The following UBE2E1 variants were observed in gnomAD, a reference collection of about 807,000 sequenced individuals.
The protein encoded by UBE2E1 is ubiquitin conjugating enzyme E2 E1.
A neutral mutation model predicts 21.4 loss-of-function variants in UBE2E1; 6 were observed. The ratio of observed to expected loss-of-function variants is 0.28; its 90% CI spans 0.15 to 0.55. The LOEUF (loss-of-function observed/expected upper bound fraction) is 0.55, where lower values mean the gene tolerates loss of function less well. Among genes scored for constraint, UBE2E1 ranks in the 20% least tolerant of loss-of-function variants. The pLI, the probability that UBE2E1 is intolerant of heterozygous loss-of-function variation, is 0.93. For missense variants in UBE2E1, 142 were observed against 236.5 expected (o/e 0.60, Z 2.62); for synonymous variants, 87 against 82.7 (o/e 1.05, Z -0.28).
chr3:23,853,185 G>A lies in UBE2E1; in HGVS notation c.204-34382G>A, dbSNP rs192054075. 5.4e-4 allele frequency among the ~76,000 whole-genome samples: 82 copies of A among 152,296 alleles called. No homozygotes were observed. The highest frequency in any genetic ancestry group is 1.9e-3 in the African/African-American group (79 of 41,570). ...TGGGATTACAGGCGTGAGCCACCGC[G>A]CCCAGCTGCCTTATTTCTTTTTCTT... On this transcript the variant is annotated intron_variant, in intron 3 of 5. Coordinates refer to ENST00000306627, the MANE Select transcript of UBE2E1 (RefSeq NM_003341.5). The surrounding 1 kb of genome is among the most constrained non-coding windows in gnomAD (Gnocchi z 4.1).
intron 3 of UBE2E1, among the ~76,000 whole-genome samples, chr3:23,884,487 A>G (rs987234930): frequency 6.6e-5 from 10 of 152,170 alleles, no homozygotes; most frequent in African/African-American, 2.4e-5. Context: ...AGAAATCTTT[A>G]GTCTTTAAAG....
rs1700118053 is a variant in UBE2E1, at chr3:23,842,488, C to G, written c.203+30978C>G. On this transcript the variant is annotated intron_variant, in intron 3 of 5. Coordinates refer to ENST00000306627, the MANE Select transcript of UBE2E1 (RefSeq NM_003341.5). The surrounding 1 kb of genome is among the most constrained non-coding windows in gnomAD (Gnocchi z 4.6). ...TGTTCGTTTTTCTTTGAAGAATATACCTTTTTATTTTATTATCATTTGCTA... is the reference window on the plus strand; with the variant it reads ...TGTTCGTTTTTCTTTGAAGAATATAGCTTTTTATTTTATTATCATTTGCTA... Among the ~76,000 whole-genome samples the G allele has an allele frequency of 6.6e-6, 1 of 152,036 alleles. No homozygotes were observed. The highest frequency in any genetic ancestry group is 6.6e-5 in the Admixed American group (1 of 15,238).
intron 3 of UBE2E1, among the ~76,000 whole-genome samples, chr3:23,847,332 G>GA (rs1160072922): frequency 1.3e-5 from 2 of 151,898 alleles, no homozygotes. Context: ...AGTACGTAGT[G>GA]AAAAGAGCAT....
chr3:23,847,166 C>T (rs1005998383), intron 3 of UBE2E1, among the ~76,000 whole-genome samples: 7 of 152,102 alleles, frequency 4.6e-5, no homozygotes, highest in Admixed American at 6.5e-5. Context: ...ATAATTACAT[C>T]AGGGCAGTAG....
intron 3 of UBE2E1, among the ~76,000 whole-genome samples, chr3:23,882,434 A>G (rs1177308746): frequency 6.6e-6 from 1 of 152,260 alleles, no homozygotes; most frequent in African/African-American, 2.4e-5. Context: ...AAGTTCTCCA[A>G]GTCCCCACTT....
At chr3:23,839,334 T>C (rs892424124) in intron 3 of UBE2E1, among the ~76,000 whole-genome samples, 3 of 151,770 alleles carry the variant, frequency 2.0e-5, no homozygotes, top group African/African-American at 7.3e-5. Flanking sequence ...CATGGTGACA[T>C]GCGCATGTAG....
At chr3:23,888,396 G>A in intron 4 of UBE2E1, 2 of 348,966 alleles carry the variant, frequency 5.7e-6, no homozygotes, top group Non-Finnish European at 1.1e-5. Flanking sequence ...GTAATCGAAA[G>A]TCACTTTTTT....
Position 23,842,250 on chromosome 3 carries a change from G to GGTGTGTGGTGT in UBE2E1, c.203+30740_203+30741insGTGTGTGGTGT, listed in dbSNP as rs79440666. ...GTGTGTGTGTGTGTGTGTGTGTGTG[G>GGTGTGTGGTGT]TGTTGTTGTTGTTGGCGACAGGGTC... is the stretch of plus-strand genomic sequence containing the variant. On this transcript the variant is annotated intron_variant, in intron 3 of 5. Coordinates refer to ENST00000306627, the MANE Select transcript of UBE2E1 (RefSeq NM_003341.5). The surrounding 1 kb of genome is among the most constrained non-coding windows in gnomAD (Gnocchi z 4.6). Among the ~76,000 whole-genome samples, 3 of 86,288 alleles carry GGTGTGTGGTGT rather than the reference G, an allele frequency of 3.5e-5. No homozygotes were observed. Among genetic ancestry groups the GGTGTGTGGTGT allele is most frequent in the Non-Finnish European group, 4.6e-5 (2 of 43,230 alleles). 56.6% of individuals were successfully genotyped at this position (86,288 alleles called of 152,430 possible). A position where few individuals can be genotyped will look rare whatever the true frequency, so the allele number is the denominator to read the frequency against.
At chr3:23,857,391 G>A (rs996439998) in intron 3 of UBE2E1, among the ~76,000 whole-genome samples, 4 of 152,176 alleles carry the variant, frequency 2.6e-5, no homozygotes, top group East Asian at 1.9e-4. Context: ...AAAGAAGAGA[G>A]GAGTGAAAAT....
rs71620797 is a variant in UBE2E1 at position 23,845,585 on chromosome 3, C to CTGTGTGTGTGTGTGTGTGTG, written c.203+34076_203+34077insGTGTGTGTGTGTGTGTGTGT. Among the ~76,000 whole-genome samples the CTGTGTGTGTGTGTGTGTGTG allele has an allele frequency of 5.3e-3, 515 of 97,852 alleles. 3 individuals carry two copies. Among genetic ancestry groups the CTGTGTGTGTGTGTGTGTGTG allele is most frequent in the South Asian group, 0.011 (26 of 2,382 alleles). The allele number at this position is 97,852 out of a possible 152,430, so 64.2% of individuals were successfully genotyped here. A position where few individuals can be genotyped will look rare whatever the true frequency, so the allele number is the denominator to read the frequency against. On this transcript the variant is annotated intron_variant, in intron 3 of 5. Coordinates refer to ENST00000306627, the MANE Select transcript of UBE2E1 (RefSeq NM_003341.5). ...TTTCTCTCTCTCTCTCTCTCTCTCT[C>CTGTGTGTGTGTGTGTGTGTG]TCTCTGTGTGTGTGTGTGTGTGTGT...
intron 3 of UBE2E1, among the ~76,000 whole-genome samples, chr3:23,839,624 G>A (rs946279423): frequency 6.6e-6 from 1 of 151,838 alleles, no homozygotes; most frequent in Admixed American, 6.6e-5. Context: ...ATTTCTTGCA[G>A]TCAGGTCTGC....
At chr3:23,837,693 T>C (rs1700000600) in intron 3 of UBE2E1, among the ~76,000 whole-genome samples, 1 of 152,246 alleles carries the variant, frequency 6.6e-6, no homozygotes. Flanking sequence ...GGTTGGCTGA[T>C]TGGTTTTGGT....
chr3:23,831,012 C>T (rs929369603), intron 3 of UBE2E1, among the ~76,000 whole-genome samples: 2 of 152,182 alleles, frequency 1.3e-5, no homozygotes, highest in African/African-American at 2.4e-5. Context: ...GCCAGAAGAA[C>T]CCACGTGATC....
chr3:23,819,025 C>A (rs541071780), intron 3 of UBE2E1, among the ~76,000 whole-genome samples: 2 of 152,264 alleles, frequency 1.3e-5, no homozygotes, highest in East Asian at 3.9e-4. Context: ...TGGCTTACGC[C>A]TGTAGTCCCA....
chr3:23,826,366 C>G (rs1051389201), intron 3 of UBE2E1, among the ~76,000 whole-genome samples: 5 of 152,226 alleles, frequency 3.3e-5, no homozygotes, highest in African/African-American at 1.2e-4. Flanking sequence ...GAAACAACTT[C>G]TTAGTTGTCT....
rs1285687836 is a variant in UBE2E1, at chr3:23,842,174, A to G, written c.203+30664A>G. ...ATCAGGTAAGAAGAAAGATTGAACTATGTCATGACCCAGTAAGTGAAGGGG... is the reference window on the plus strand; with the variant it reads ...ATCAGGTAAGAAGAAAGATTGAACTGTGTCATGACCCAGTAAGTGAAGGGG... On this transcript the variant is annotated intron_variant, in intron 3 of 5. Transcript: ENST00000306627. The surrounding 1 kb of genome is among the most constrained non-coding windows in gnomAD (Gnocchi z 4.6). Among the ~76,000 whole-genome samples the G allele has an allele frequency of 5.5e-5, 8 of 145,372 alleles. No individual in the cohort carries two copies. The highest frequency in any genetic ancestry group is 1.8e-4 in the African/African-American group (7 of 39,344).
intron 3 of UBE2E1, among the ~76,000 whole-genome samples, chr3:23,827,431 G>A (rs1420763527): frequency 2.0e-5 from 3 of 152,132 alleles, no homozygotes; most frequent in Admixed American, 2.0e-4. Flanking sequence ...TTTAAAAATA[G>A]GATAAAGCTT....
chr3:23,879,794 A>G (rs72627047), intron 3 of UBE2E1, among the ~76,000 whole-genome samples: 1 of 152,182 alleles, frequency 6.6e-6, no homozygotes, highest in East Asian at 1.9e-4. Context: ...CCAGCCTCTC[A>G]TCCTTTCACT....
Position 23,808,745 on chromosome 3 carries a change from T to G in UBE2E1, c.152+1324T>G, listed in dbSNP as rs955653560. 1.3e-5 allele frequency: 2 copies of G among 152,262 alleles called. No homozygotes were observed. The highest frequency in any genetic ancestry group is 2.9e-5 in the Non-Finnish European group (2 of 68,090). The allele number at this position is 152,262 out of a possible 1,614,324, so 9.4% of individuals were successfully genotyped here. A position where few individuals can be genotyped will look rare whatever the true frequency, so the allele number is the denominator to read the frequency against. ...GGAGGCCTGACTGACCCTCACTGAT[T>G]AGCCCTGTGCGGTTTTCCTGGAACC... On this transcript the variant is annotated intron_variant, in intron 2 of 5. Transcript: ENST00000306627. The surrounding 1 kb of genome is among the most constrained non-coding windows in gnomAD (Gnocchi z 4.9).
Sources: allele counts gnomAD v4.1 joint callset (sites outside exome capture counted in the v4.1 genomes callset), GRCh38; gene constraint gnomAD v4.1.1; non-coding constraint Gnocchi (gnomAD v3.1); transcripts MANE v1.5; gene names NCBI Gene and HGNC (gene_info 2026-07-23, HGNC 2026-07-21).